CBLB: variants seen among roughly 807,000 people sequenced by gnomAD.
CBLB encodes the protein Cbl proto-oncogene B.
Under a neutral mutation model 104.9 loss-of-function variants are expected in CBLB, and 31 were observed. That is an observed-to-expected ratio of 0.30 (90% CI 0.22 to 0.40). The LOEUF (loss-of-function observed/expected upper bound fraction) is 0.40. CBLB is among the 10% of genes least tolerant of loss of function. The pLI, the probability that CBLB is intolerant of heterozygous loss-of-function variation, is 1.00. For synonymous variants in CBLB, 440 were observed against 422.6 expected, an observed-to-expected ratio of 1.04 and a Z score of -0.51; for missense variants, 1,062 against 1,214.6, an observed-to-expected ratio of 0.87 and a Z score of 1.87.
At chr3:105,692,526 A>G (rs2067838033) in intron 13 of CBLB, among the ~76,000 whole-genome samples, 1 of 152,334 alleles carries the variant, frequency 6.6e-6, no homozygotes, top group Admixed American at 6.5e-5. Flanking sequence ...GGTGAAGCAC[A>G]GGAGGAACAG....
At position 105,769,739 on chromosome 3, in the gene CBLB, G is replaced by A. The variant is rs1007883588; in HGVS notation, c.566+6657C>T. Among the ~76,000 whole-genome samples the A allele has an allele frequency of 4.9e-4, 74 of 152,214 alleles. 3 individuals are homozygous for A. The highest frequency in any genetic ancestry group is 1.9e-4 in the African/African-American group (8 of 41,460). On this transcript the variant is annotated intron_variant, in intron 4 of 18. Transcript: ENST00000394030. ...GATAAGTAGAAAAAAAGAAGCCAGC[G>A]AAAAAGTTTCTAAAGCTTGTGATGT... is the stretch of plus-strand genomic sequence containing the variant.
chr3:105,808,253 A>G (rs2083781140), intron 3 of CBLB, among the ~76,000 whole-genome samples: 1 of 152,194 alleles, frequency 6.6e-6, no homozygotes, highest in South Asian at 2.1e-4. Context: ...ATACCTACAA[A>G]CTTTAAAGAA....
chr3:105,854,593 A>T (rs1311540255), intron 2 of CBLB, among the ~76,000 whole-genome samples: 1 of 145,386 alleles, frequency 6.9e-6, no homozygotes, highest in Non-Finnish European at 1.5e-5. Flanking sequence ...CCCTCGTTGT[A>T]TTTTTTTTTT....
At chr3:105,671,127 T>A (rs1452401558) in intron 17 of CBLB, 2 of 190,950 alleles carry the variant, frequency 1.0e-5, no homozygotes, top group Non-Finnish European at 2.2e-5. Flanking sequence ...CTGTATTAAA[T>A]CATTAATACC....
At chr3:105,659,323 T>TGAG in intron 18 of CBLB, 94 bp from the exon 19 acceptor site, 2 of 1,270,812 alleles carry the variant, frequency 1.6e-6, no homozygotes, top group Non-Finnish European at 2.3e-6. Context: ...CCTATGGAAA[T>TGAG]ATTATTTCTT....
intron 3 of CBLB, among the ~76,000 whole-genome samples, chr3:105,813,561 T>C (rs1202209436): frequency 1.3e-5 from 2 of 152,138 alleles, no homozygotes; most frequent in Non-Finnish European, 2.9e-5. Flanking sequence ...AGTTGTCAAT[T>C]ATACTTCAAT....
chr3:105,780,653 G>GTTT (rs1245925965), intron 3 of CBLB, among the ~76,000 whole-genome samples: 19 of 84,676 alleles, frequency 2.2e-4, no homozygotes, highest in South Asian at 8.4e-4. Context: ...TAAAAGTTTT[G>GTTT]TTTTTTGTTT....
intron 3 of CBLB, among the ~76,000 whole-genome samples, chr3:105,829,492 C>A (rs2087094868): frequency 6.6e-6 from 1 of 151,664 alleles, no homozygotes; most frequent in African/African-American, 2.4e-5. Flanking sequence ...GACCCTGTCT[C>A]TACAAAAAAT....
Position 105,655,986 on chromosome 3 carries a change from T to C in CBLB, c.*2984A>G, listed in dbSNP as rs1351063707. Reference sequence around the variant, plus strand: ...TTAAGTTGCAGTGAGGGTTCTATTATGAAGACTATTTGCAATGTGGGCAAA... The same window carrying C: ...TTAAGTTGCAGTGAGGGTTCTATTACGAAGACTATTTGCAATGTGGGCAAA... On this transcript the variant is annotated 3_prime_UTR_variant, in exon 19 of 19. Transcript: ENST00000394030. 1 of 228,492 alleles carries C rather than the reference T, an allele frequency of 4.4e-6. No individual in the cohort carries two copies. The allele number at this position is 228,492 out of a possible 1,614,324, so 14.2% of individuals were successfully genotyped here.
intron 3 of CBLB, among the ~76,000 whole-genome samples, chr3:105,822,760 A>C (rs1303102454): frequency 6.6e-6 from 1 of 152,196 alleles, no homozygotes; most frequent in African/African-American, 2.4e-5. Context: ...TATATTACTA[A>C]TATTATTCAC....
chr3:105,842,411 A>T (rs2089681646), intron 3 of CBLB, among the ~76,000 whole-genome samples: 1 of 152,216 alleles, frequency 6.6e-6, no homozygotes, highest in African/African-American at 2.4e-5. Flanking sequence ...TTAAATGAAG[A>T]GTGTCTGTTT....
chr3:105,696,107 T>C (rs761904903), intron 12 of CBLB, among the ~76,000 whole-genome samples: 1 of 151,604 alleles, frequency 6.6e-6, no homozygotes, highest in Non-Finnish European at 1.5e-5. Context: ...CACACATATA[T>C]ATAATTTGCT....
intron 4 of CBLB, among the ~76,000 whole-genome samples, chr3:105,769,728 A>G (rs3772513): frequency 0.23 from 35,444 of 152,202 alleles, 4,498 homozygotes; most frequent in Non-Finnish European, 0.28. Context: ...AGTAGAAAAA[A>G]AGAAGCCAGC....
chr3:105,814,749 T>C lies in CBLB; in HGVS notation c.420-38207A>G, dbSNP rs143792098. On this transcript the variant is annotated intron_variant, in intron 3 of 18. Transcript: ENST00000394030. ...AATTTCATGATGCTCCAATTTATACTCAACAGTGCTGACAAATTTTCATAA... is the reference window on the plus strand; with the variant it reads ...AATTTCATGATGCTCCAATTTATACCCAACAGTGCTGACAAATTTTCATAA... 6.6e-5 allele frequency among the ~76,000 whole-genome samples: 10 copies of C among 152,250 alleles called. No individual in the cohort carries two copies. In the East Asian group the frequency reaches 1.9e-3, roughly 29 times the overall value.
intron 9 of CBLB, among the ~76,000 whole-genome samples, chr3:105,731,307 T>C (rs1233552696): frequency 6.6e-6 from 1 of 152,202 alleles, no homozygotes; most frequent in African/African-American, 2.4e-5. Flanking sequence ...ATATTGTTAA[T>C]TAGTTCTTGG....
intron 10 of CBLB, among the ~76,000 whole-genome samples, chr3:105,710,750 G>C (rs1293694808): frequency 6.6e-6 from 1 of 151,884 alleles, no homozygotes; most frequent in Non-Finnish European, 1.5e-5. Flanking sequence ...GAAATTTAAA[G>C]ACCACATTGG....
chr3:105,812,475 C>A (rs1221695290), intron 3 of CBLB, among the ~76,000 whole-genome samples: 1 of 152,164 alleles, frequency 6.6e-6, no homozygotes, highest in Non-Finnish European at 1.5e-5. Context: ...TTAGTGAAGT[C>A]TGGAACATCT....
intron 3 of CBLB, among the ~76,000 whole-genome samples, chr3:105,794,918 C>CTTTT (rs201226105): frequency 7.0e-6 from 1 of 142,318 alleles, no homozygotes. Context: ...ATAATGGCAA[C>CTTTT]TTTTTTTTTT....
At chr3:105,737,065 G>A (rs978635280) in intron 8 of CBLB, 106 bp downstream of exon 8, 5 of 500,588 alleles carry the variant, frequency 1.0e-5, no homozygotes, top group East Asian at 6.0e-5. Flanking sequence ...AGTATATTTT[G>A]TATTAAATAC....
Sources: allele counts gnomAD v4.1 joint callset (sites outside exome capture counted in the v4.1 genomes callset), GRCh38; gene constraint gnomAD v4.1.1; transcripts MANE v1.5; gene names NCBI Gene and HGNC (gene_info 2026-07-23, HGNC 2026-07-21).